Variants in ERVMER34-1 observed in about 807,000 individuals in gnomAD.
The protein encoded by ERVMER34-1 is endogenous retrovirus group MER34 member 1, envelope, also known as endogenous retroviral envelope protein HEMO.
For synonymous variants in ERVMER34-1, 199 were observed against 111.7 expected (o/e 1.78, Z -4.93); for missense variants, 471 against 295.1 (o/e 1.60, Z -4.37).
chr4:52,750,004 A>C (rs1433779108), intron 2 of ERVMER34-1, among the ~76,000 whole-genome samples: 4 of 152,020 alleles, frequency 2.6e-5, no homozygotes, highest in African/African-American at 9.7e-5. Context: ...TCTTCTTATT[A>C]TTATTATTAA....
chr4:52,750,286 A>C (rs1327278190), intron 2 of ERVMER34-1, among the ~76,000 whole-genome samples: 1 of 152,164 alleles, frequency 6.6e-6, no homozygotes, highest in Non-Finnish European at 1.5e-5. Context: ...GGAGTGAGCC[A>C]CTGCGCCCTA....
rs1054848294 is a variant in ERVMER34-1, at chr4:52,742,949, A to G, written c.*880T>C. 2 of 151,714 alleles carry G rather than the reference A, an allele frequency of 1.3e-5. No individual in the cohort carries two copies. Among genetic ancestry groups the G allele is most frequent in the Non-Finnish European group, 2.9e-5 (2 of 67,950 alleles). 9.4% of individuals were successfully genotyped at this position (151,714 alleles called of 1,614,324 possible). On this transcript the variant is annotated 3_prime_UTR_variant, in exon 3 of 3. Transcript: ENST00000443173. ...AAAAAAAAAGAGTAACATACTAGGT[A>G]TGCTGTTCTGCATCTTGCTATTTTT...
At position 52,744,638 on chromosome 4, in the gene ERVMER34-1, A is replaced by G. The variant is rs1280138258; in HGVS notation, c.883T>C (p.Ser295Pro). 1 of 704,112 alleles carries G rather than the reference A, an allele frequency of 1.4e-6. No homozygotes were observed. The highest frequency in any genetic ancestry group is 2.6e-6 in the Non-Finnish European group (1 of 385,006). 43.6% of individuals were successfully genotyped at this position (704,112 alleles called of 1,614,324 possible). ...TTGCCGCACAAAAAAAAGAGGCCAG[A>G]GTTGTTCACAGACAAGGTCAGATTG... ...GSNLTLSVNN[S>P]GLFFLCGNGV... is the part of the protein sequence containing the mutation. The change falls in exon 3 of 3, where the codon TCT becomes CCT. Residue 295 changes from serine to proline, a missense_variant. Transcript: ENST00000443173.
At position 52,743,553 on chromosome 4, in the gene ERVMER34-1, C is replaced by T. The variant is rs774165054; in HGVS notation, c.*276G>A. The T allele has an allele frequency of 9.6e-6, 3 of 313,484 alleles. No homozygotes were observed. Among genetic ancestry groups the T allele is most frequent in the Non-Finnish European group, 1.7e-5 (3 of 173,054 alleles). The allele number at this position is 313,484 out of a possible 1,614,324, so 19.4% of individuals were successfully genotyped here. On this transcript the variant is annotated 3_prime_UTR_variant, in exon 3 of 3. Transcript: ENST00000443173. The stretch of plus-strand genomic sequence containing the variant: ...ATAGAAAAAACATTTATTATATATG[C>T]ATGCAAGAACACTACAAAGAGTAGC...
At position 52,743,208 on chromosome 4, in the gene ERVMER34-1, A is replaced by T. The variant is rs1478354312; in HGVS notation, c.*621T>A. On this transcript the variant is annotated 3_prime_UTR_variant, in exon 3 of 3. Coordinates refer to ENST00000443173, the MANE Select transcript of ERVMER34-1 (RefSeq NM_001242690.2). Reference sequence around the variant, plus strand: ...GCATATCAGACTAATATTCCATTAGACCACTAAAATGCCCATGGGAAATCA... The same window carrying T: ...GCATATCAGACTAATATTCCATTAGTCCACTAAAATGCCCATGGGAAATCA... The T allele has an allele frequency of 1.3e-5, 2 of 152,208 alleles. No homozygotes were observed. The highest frequency in any genetic ancestry group is 3.8e-4 in the East Asian group (2 of 5,198). The allele number at this position is 152,208 out of a possible 1,614,324, so 9.4% of individuals were successfully genotyped here.
chr4:52,745,100 G>T lies in ERVMER34-1; in HGVS notation c.421C>A (p.Pro141Thr). 1 of 704,084 alleles carries T rather than the reference G, an allele frequency of 1.4e-6. No homozygotes were observed. Among genetic ancestry groups the T allele is most frequent in the South Asian group, 1.5e-5 (1 of 67,600 alleles). The allele number at this position is 704,084 out of a possible 1,614,324, so 43.6% of individuals were successfully genotyped here. ...AGTATTTGATTACAGTATTGTTTAG[G>T]TATATTACCTAGGAAGGGTCCACTG... ...NGSGPFLGNI[P>T]KQYCNQILWF... Residue 141 changes from proline (P) to threonine (T), a missense_variant, in exon 3 of 3, where the codon CCT becomes ACT. Coordinates refer to ENST00000443173, the MANE Select transcript of ERVMER34-1 (RefSeq NM_001242690.2).
In ERVMER34-1 at chr4:52,745,646, C is replaced by T; in HGVS notation, c.-126G>A. Reference sequence around the variant, plus strand: ...AGGTTGAGGAGGGAAGATGTTTCAGCTAGTTGGAGATGGAGATGAAGTTCT... The same window carrying T: ...AGGTTGAGGAGGGAAGATGTTTCAGTTAGTTGGAGATGGAGATGAAGTTCT... On this transcript the variant is annotated 5_prime_UTR_variant, in exon 3 of 3. Transcript: ENST00000443173. The T allele has an allele frequency of 1.6e-6, 1 of 615,620 alleles. No homozygotes were observed. Among genetic ancestry groups the T allele is most frequent in the East Asian group, 2.7e-5 (1 of 36,644 alleles). 38.1% of individuals were successfully genotyped at this position (615,620 alleles called of 1,614,324 possible).
In ERVMER34-1 at chr4:52,744,946, T is replaced by G; in HGVS notation, c.575A>C (p.Asn192Thr). The G allele has an allele frequency of 1.4e-6, 1 of 704,144 alleles. No individual in the cohort carries two copies. 43.6% of individuals were successfully genotyped at this position (704,144 alleles called of 1,614,324 possible). ...AACAGCTGAGCTGTTCCAGGTCCGG[T>G]TTGTGCAACCTGCAAACCAGGAACA... ...RQCSWFAGCT[N>T]RTWNSSAVPL... is the part of the protein sequence containing the mutation. The change falls in exon 3 of 3, where the codon AAC becomes ACC. Residue 192 changes from asparagine (N) to threonine (T), a missense_variant. Physicochemically the swap from Asn to Thr is moderately conservative, Grantham distance 65. Transcript: ENST00000443173.
intron 2 of ERVMER34-1, chr4:52,748,284 A>T (rs1716201780): frequency 5.8e-6 from 1 of 171,400 alleles, no homozygotes; most frequent in Non-Finnish European, 1.3e-5. Flanking sequence ...CAGTTTAAGC[A>T]CATTTGTGAT....
In ERVMER34-1 at chr4:52,742,592, T is replaced by A. The variant is rs1716044863; in HGVS notation, c.*1237A>T. 1 of 152,138 alleles carries A rather than the reference T, an allele frequency of 6.6e-6. No homozygotes were observed. Among genetic ancestry groups the A allele is most frequent in the Admixed American group, 6.5e-5 (1 of 15,278 alleles). 9.4% of individuals were successfully genotyped at this position (152,138 alleles called of 1,614,324 possible). On this transcript the variant is annotated 3_prime_UTR_variant, in exon 3 of 3. Transcript: ENST00000443173. Reference sequence around the variant, plus strand: ...TGTTTTATTTGCAAATACATACACATATACATATCATTTCCCCTTTTTTAA... The same window carrying A: ...TGTTTTATTTGCAAATACATACACAAATACATATCATTTCCCCTTTTTTAA...
In ERVMER34-1 at chr4:52,744,409, GTT is replaced by G. The variant is rs1391813559; in HGVS notation, c.1110_1111del (p.Thr371AsnfsTer12). On this transcript the variant is annotated frameshift_variant, in exon 3 of 3. Transcript: ENST00000443173. LOFTEE classifies it low-confidence loss of function (END_TRUNC). Reference sequence around the variant, plus strand: ...CAAACTTGGAAAAAGGGCCCTTATTGTTGAATTGTCCTTGGGGTTGCAATACA... The same window carrying G: ...CAAACTTGGAAAAAGGGCCCTTATTGGAATTGTCCTTGGGGTTGCAATACA... The G allele has an allele frequency of 5.7e-6, 4 of 704,082 alleles. No homozygotes were observed. Among genetic ancestry groups the G allele is most frequent in the South Asian group, 4.4e-5 (3 of 67,596 alleles). 43.6% of individuals were successfully genotyped at this position (704,082 alleles called of 1,614,324 possible). A position where few individuals can be genotyped will look rare whatever the true frequency, so the allele number is the denominator to read the frequency against.
At position 52,745,056 on chromosome 4, in the gene ERVMER34-1, A is replaced by G. The variant is rs1057082451; in HGVS notation, c.465T>C (p.Asp155=). The change falls in exon 3 of 3, where the codon GAT becomes GAC. Residue 155 remains aspartate (D), a synonymous_variant. Coordinates refer to ENST00000443173, the MANE Select transcript of ERVMER34-1 (RefSeq NM_001242690.2). ...CNQILWFDST[D]GTFMPSIDVT... is the part of the protein sequence containing the mutation. ...CATCTATAGAGGGCATGAAGGTGCCATCTGTAGAATCAAACCATAGTATTT... is the reference window on the plus strand; with the variant it reads ...CATCTATAGAGGGCATGAAGGTGCCGTCTGTAGAATCAAACCATAGTATTT... 2.1e-5 allele frequency: 15 copies of G among 704,088 alleles called. No individual in the cohort carries two copies. The Admixed American group carries it at 2.6e-4, about 12-fold the overall frequency. 43.6% of individuals were successfully genotyped at this position (704,088 alleles called of 1,614,324 possible).
chr4:52,747,214 G>C (rs1001356858), intron 2 of ERVMER34-1, among the ~76,000 whole-genome samples: 8 of 146,916 alleles, frequency 5.4e-5, no homozygotes, highest in Admixed American at 5.3e-4. Flanking sequence ...GGGTGACAGA[G>C]TGAGACTCTG....
intron 2 of ERVMER34-1, among the ~76,000 whole-genome samples, chr4:52,748,666 G>C (rs1351595818): frequency 2.0e-5 from 3 of 152,046 alleles, no homozygotes; most frequent in Non-Finnish European, 4.4e-5. Flanking sequence ...ACCTCTACAT[G>C]CTCTCCCAGG....
chr4:52,750,475 A>C (rs984492929), intron 2 of ERVMER34-1, among the ~76,000 whole-genome samples: 1 of 152,158 alleles, frequency 6.6e-6, no homozygotes, highest in Admixed American at 6.5e-5. Context: ...CTAAATGGGC[A>C]GGCAAAAATG....
At chr4:52,748,836 A>T (rs1716213298) in intron 2 of ERVMER34-1, among the ~76,000 whole-genome samples, 1 of 152,122 alleles carries the variant, frequency 6.6e-6, no homozygotes, top group Non-Finnish European at 1.5e-5. Context: ...CCTCTCAGGT[A>T]AGTTGCATAG....
Position 52,744,900 on chromosome 4 carries a change from A to G in ERVMER34-1, c.621T>C (p.Asn207=). ...SSAVPLIGLP[N]TQDYKWVDRN... ...GATCTACCCATTTGTAGTCTTGGGT[A>G]TTGGGCAGACCAATCAAGGGAACAG... Residue 207 remains asparagine, a synonymous_variant, in exon 3 of 3, where the codon AAT becomes AAC. Coordinates refer to ENST00000443173, the MANE Select transcript of ERVMER34-1 (RefSeq NM_001242690.2). 1 of 704,134 alleles carries G rather than the reference A, an allele frequency of 1.4e-6. No homozygotes were observed. The highest frequency in any genetic ancestry group is 1.7e-5 in the African/African-American group (1 of 57,382). 43.6% of individuals were successfully genotyped at this position (704,134 alleles called of 1,614,324 possible). A position where few individuals can be genotyped will look rare whatever the true frequency, so the allele number is the denominator to read the frequency against.
In ERVMER34-1 at chr4:52,745,705, A is replaced by G; in HGVS notation, c.-185T>C. 1 of 592,416 alleles carries G rather than the reference A, an allele frequency of 1.7e-6. No homozygotes were observed. The highest frequency in any genetic ancestry group is 3.0e-6 in the Non-Finnish European group (1 of 333,786). The allele number at this position is 592,416 out of a possible 1,614,324, so 36.7% of individuals were successfully genotyped here. A position where few individuals can be genotyped will look rare whatever the true frequency, so the allele number is the denominator to read the frequency against. On this transcript the variant is annotated 5_prime_UTR_variant, in exon 3 of 3. The change abolishes an upstream ATG in the 5' untranslated region. Coordinates refer to ENST00000443173, the MANE Select transcript of ERVMER34-1 (RefSeq NM_001242690.2). Reference sequence around the variant, plus strand: ...GATACTGAGTAAAGCTGTCTACTTCATCTGCTCATGGAGCCTGTGAGTAGG... The same window carrying G: ...GATACTGAGTAAAGCTGTCTACTTCGTCTGCTCATGGAGCCTGTGAGTAGG...
chr4:52,749,567 C>T (rs757395972), intron 2 of ERVMER34-1, among the ~76,000 whole-genome samples: 18 of 152,142 alleles, frequency 1.2e-4, no homozygotes, highest in Middle Eastern at 3.4e-3. Context: ...TTTGGGAGGC[C>T]GAGGTAGGGC....
Sources: gnomAD v4.1 joint callset for allele counts (sites outside exome capture counted in the v4.1 genomes callset) on GRCh38, gnomAD v4.1.1 for gene constraint, MANE v1.5 for transcripts, NCBI Gene and HGNC (gene_info 2026-07-23, HGNC 2026-07-21) for gene names.